Variants in ZC2HC1B observed in about 807,000 individuals in gnomAD.
ZC2HC1B encodes the protein zinc finger C2HC domain-containing protein 1B.
In ZC2HC1B, 36 loss-of-function variants were observed where a neutral mutation model predicts 31.0. The observed-to-expected ratio is 1.16, with a 90% CI of 0.89 to 1.54. The LOEUF is 1.54. ZC2HC1B is among the 40% of genes most tolerant of loss of function. The pLI, the probability that ZC2HC1B is intolerant of heterozygous loss-of-function variation, is 0.00. For synonymous variants in ZC2HC1B, 73 were observed against 88.0 expected (o/e 0.83, Z 0.95); for missense variants, 260 against 268.6 (o/e 0.97, Z 0.22).
chr6:143,927,483 A>AT (rs574206087), intron 6 of ZC2HC1B, among the ~76,000 whole-genome samples: 4 of 152,030 alleles, frequency 2.6e-5, no homozygotes, highest in South Asian at 2.1e-4. Context: ...ACATTATATT[A>AT]TTTTTTTCAT....
chr6:143,896,388 T>C (rs1308987220), intron 4 of ZC2HC1B, among the ~76,000 whole-genome samples: 1 of 152,208 alleles, frequency 6.6e-6, no homozygotes, highest in Non-Finnish European at 1.5e-5. Context: ...CAGCATTTCT[T>C]ATGTAAGACT....
In ZC2HC1B at chr6:143,913,093, C is replaced by G. The variant is rs1019058015; in HGVS notation, c.598+9941C>G. Among the ~76,000 whole-genome samples, 1 of 152,254 alleles carries G rather than the reference C, an allele frequency of 6.6e-6. No individual in the cohort carries two copies. The highest frequency in any genetic ancestry group is 2.4e-5 in the African/African-American group (1 of 41,464). On this transcript the variant is annotated intron_variant, in intron 6 of 7. Coordinates refer to ENST00000237275, the MANE Select transcript of ZC2HC1B (RefSeq NM_001013623.3). This position sits in a 1 kb window ranked among gnomAD's most constrained non-coding sequence, Gnocchi z 5.7. ...ACTTGGTCTCTCCAAAGCCCACAGT[C>G]CAGAACAGCTAAGTCATCCAACCAA...
In ZC2HC1B at chr6:143,886,968, A is replaced by G. The variant is rs1007046290; in HGVS notation, c.349+147A>G. The G allele has an allele frequency of 6.0e-5, 54 of 905,514 alleles. No individual in the cohort carries two copies. The highest frequency in any genetic ancestry group is 8.0e-5 in the Non-Finnish European group (52 of 646,776). 56.1% of individuals were successfully genotyped at this position (905,514 alleles called of 1,614,324 possible). The stretch of plus-strand genomic sequence containing the variant: ...AAAAGTAAACATCCTATTTTTTTCA[A>G]TTCTGCATAAAGATTCTGTGTTTCC... On this transcript the variant is annotated intron_variant, in intron 4 of 7. Coordinates refer to ENST00000237275, the MANE Select transcript of ZC2HC1B (RefSeq NM_001013623.3). The surrounding 1 kb of genome is among the most constrained non-coding windows in gnomAD (Gnocchi z 4.2).
In ZC2HC1B at chr6:143,872,981, T is replaced by A. The variant is rs1268208764; in HGVS notation, c.28+8414T>A. Among the ~76,000 whole-genome samples, 1 of 152,060 alleles carries A rather than the reference T, an allele frequency of 6.6e-6. No individual in the cohort carries two copies. The highest frequency in any genetic ancestry group is 6.5e-5 in the Admixed American group (1 of 15,270). ...ATGCCTCCCCAACAGTCTCCCAAAG[T>A]CTTAACTCATTTCAGCATTAATCCA... On this transcript the variant is annotated intron_variant, in intron 1 of 7. Coordinates refer to ENST00000237275, the MANE Select transcript of ZC2HC1B (RefSeq NM_001013623.3). This position sits in a 1 kb window ranked among gnomAD's most constrained non-coding sequence, Gnocchi z 5.5.
At position 143,875,827 on chromosome 6, in the gene ZC2HC1B, G is replaced by T. The variant is rs952613944; in HGVS notation, c.29-8477G>T. On this transcript the variant is annotated intron_variant, in intron 1 of 7. Coordinates refer to ENST00000237275, the MANE Select transcript of ZC2HC1B (RefSeq NM_001013623.3). ...TCACTGTTGCCTCAGGCAGCACAGG[G>T]TTTATCTCCTCAGACAAAGGTGGAA... 6.0e-5 allele frequency among the ~76,000 whole-genome samples: 9 copies of T among 150,612 alleles called. No homozygotes were observed. The South Asian group carries it at 1.9e-3, about 33-fold the overall frequency.
chr6:143,866,393 C>T lies in ZC2HC1B; in HGVS notation c.28+1826C>T, dbSNP rs73000524. 8.9e-3 allele frequency among the ~76,000 whole-genome samples: 1,360 copies of T among 152,330 alleles called. 11 individuals carry two copies. Among genetic ancestry groups the T allele is most frequent in the Non-Finnish European group, 0.014 (940 of 68,020 alleles). ...CGCTGTAGAGTTATCAATTTGCCCT[C>T]GTGATCACATGGCTGACTGGGAGCA... On this transcript the variant is annotated intron_variant, in intron 1 of 7. Transcript: ENST00000237275.
In ZC2HC1B at chr6:143,895,920, A is replaced by G. The variant is rs1420810913; in HGVS notation, c.350-2632A>G. Reference sequence around the variant, plus strand: ...TGGTGATTTTATGAAAACATTATTGATAGAGGAAGAGAGGTGACTCCGATT... The same window carrying G: ...TGGTGATTTTATGAAAACATTATTGGTAGAGGAAGAGAGGTGACTCCGATT... On this transcript the variant is annotated intron_variant, in intron 4 of 7. Transcript: ENST00000237275. The surrounding 1 kb of genome is among the most constrained non-coding windows in gnomAD (Gnocchi z 4.8). 1.3e-5 allele frequency among the ~76,000 whole-genome samples: 2 copies of G among 152,220 alleles called. No individual in the cohort carries two copies. Among genetic ancestry groups the G allele is most frequent in the Non-Finnish European group, 2.9e-5 (2 of 68,036 alleles).
chr6:143,919,549 G>A (rs1370689906), intron 6 of ZC2HC1B, among the ~76,000 whole-genome samples: 1 of 152,088 alleles, frequency 6.6e-6, no homozygotes, highest in East Asian at 1.9e-4. Context: ...CAACAACAAT[G>A]GCCACCTGCC....
At chr6:143,897,338 A>G (rs1476245278) in intron 4 of ZC2HC1B, among the ~76,000 whole-genome samples, 2 of 150,478 alleles carry the variant, frequency 1.3e-5, no homozygotes, top group Non-Finnish European at 3.0e-5. Flanking sequence ...TGCCTGAAAC[A>G]AAACAAAGCA....
intron 4 of ZC2HC1B, among the ~76,000 whole-genome samples, chr6:143,891,637 G>C (rs1308101562): frequency 6.7e-6 from 1 of 149,506 alleles, no homozygotes; most frequent in Non-Finnish European, 1.5e-5. Context: ...AGGTTGCAGT[G>C]AGCAGAGATG....
chr6:143,919,037 G>A (rs1054516582), intron 6 of ZC2HC1B, among the ~76,000 whole-genome samples: 1 of 151,902 alleles, frequency 6.6e-6, no homozygotes, highest in East Asian at 1.9e-4. Flanking sequence ...CTGTTTAGCA[G>A]ATCTGTCATC....
Position 143,903,138 on chromosome 6 carries a change from T to A in ZC2HC1B, c.584T>A (p.Val195Asp). The A allele has an allele frequency of 1.3e-6, 2 of 1,552,118 alleles. No individual in the cohort carries two copies. The highest frequency in any genetic ancestry group is 1.7e-6 in the Non-Finnish European group (2 of 1,147,064). Residue 195 changes from valine (V) to aspartate (D), a missense_variant, in exon 6 of 8, where the codon GTC becomes GAC. Transcript: ENST00000237275. The surrounding 1 kb of genome is among the most constrained non-coding windows in gnomAD (Gnocchi z 4.3). Reference sequence around the variant, plus strand: ...AGGGTCCTGGTGGCCACGAATGAAGTCCCAACCAAGTCAGGTGAGTCAAAG... The same window carrying A: ...AGGGTCCTGGTGGCCACGAATGAAGACCCAACCAAGTCAGGTGAGTCAAAG... Reference protein sequence around the residue: ...QNRVLVATNEVPTKSGLAMDP... With the variant: ...QNRVLVATNEDPTKSGLAMDP...
chr6:143,884,206 GA>G lies in ZC2HC1B; in HGVS notation c.29-97del. ...AGTTGGTGGGGAGGGAAAAGAGAGT[GA>G]GGATATCAAGCTATTGAGGTCACCT... is the stretch of plus-strand genomic sequence containing the variant. On this transcript the variant is annotated intron_variant, in intron 1 of 7. Transcript: ENST00000237275. This position sits in a 1 kb window ranked among gnomAD's most constrained non-coding sequence, Gnocchi z 5.1. 9.5e-7 allele frequency: 1 copy of G among 1,056,080 alleles called. No individual in the cohort carries two copies. The highest frequency in any genetic ancestry group is 1.9e-5 in the South Asian group (1 of 53,516). The allele number at this position is 1,056,080 out of a possible 1,614,324, so 65.4% of individuals were successfully genotyped here. A position where few individuals can be genotyped will look rare whatever the true frequency, so the allele number is the denominator to read the frequency against.
rs139053252 is a variant in ZC2HC1B, at chr6:143,893,417, A to G, written c.350-5135A>G. Among the ~76,000 whole-genome samples, 53 of 152,096 alleles carry G rather than the reference A, an allele frequency of 3.5e-4. No homozygotes were observed. The East Asian group carries it at 9.4e-3, about 27-fold the overall frequency. ...CTGTCTCTACTAAAAATACAAAAAA[A>G]ATTAGCCAGGCATGGTGGCTCACTC... is the stretch of plus-strand genomic sequence containing the variant. On this transcript the variant is annotated intron_variant, in intron 4 of 7. Transcript: ENST00000237275.
At chr6:143,890,251 G>C (rs954897758) in intron 4 of ZC2HC1B, among the ~76,000 whole-genome samples, 1 of 151,942 alleles carries the variant, frequency 6.6e-6, no homozygotes, top group Non-Finnish European at 1.5e-5. Context: ...ATTAGGAAAA[G>C]AGCAAATGAG....
rs1319821292 is a variant in ZC2HC1B at position 143,924,802 on chromosome 6, G to C, written c.599-12847G>C. ...TTTGTCTTTCATTCTGTTGTTGTGA[G>C]GTATCACATTTATTGACTTGCATGG... On this transcript the variant is annotated intron_variant, in intron 6 of 7. Transcript: ENST00000237275. The surrounding 1 kb of genome is among the most constrained non-coding windows in gnomAD (Gnocchi z 5.2). 1.3e-5 allele frequency among the ~76,000 whole-genome samples: 2 copies of C among 152,114 alleles called. No homozygotes were observed. The highest frequency in any genetic ancestry group is 2.9e-5 in the Non-Finnish European group (2 of 68,022).
intron 6 of ZC2HC1B, among the ~76,000 whole-genome samples, chr6:143,935,034 G>T (rs1400403615): frequency 6.6e-6 from 1 of 152,150 alleles, no homozygotes; most frequent in Non-Finnish European, 1.5e-5. Context: ...CCAACCCTCT[G>T]GCTCCTAGGC....
At chr6:143,900,406 GAAAAA>G (rs1431729870) in intron 5 of ZC2HC1B, among the ~76,000 whole-genome samples, 1 of 144,024 alleles carries the variant, frequency 6.9e-6, no homozygotes, top group Non-Finnish European at 1.5e-5. Flanking sequence ...AAAAAAAAAA[GAAAAA>G]GAAAAGAAAA....
At chr6:143,910,345 C>T (rs2128495932) in intron 6 of ZC2HC1B, among the ~76,000 whole-genome samples, 1 of 152,310 alleles carries the variant, frequency 6.6e-6, no homozygotes, top group Non-Finnish European at 1.5e-5. Flanking sequence ...GTTATGATTT[C>T]AGCTCTTTTG....
Sources: gnomAD v4.1 joint callset for allele counts (sites outside exome capture counted in the v4.1 genomes callset) on GRCh38, gnomAD v4.1.1 for gene constraint, Gnocchi (gnomAD v3.1) non-coding constraint, MANE v1.5 for transcripts, NCBI Gene and HGNC (gene_info 2026-07-23, HGNC 2026-07-21) for gene names.